The following MBD2 variants were observed in gnomAD, a reference collection of about 807,000 sequenced individuals.
MBD2 encodes the protein methyl-CpG binding domain protein 2, also known as methyl-CpG-binding domain protein 2.
A neutral mutation model predicts 39.3 loss-of-function variants in MBD2; 9 were observed. The observed-to-expected ratio is 0.23, with a 90% confidence interval of 0.14 to 0.40. The LOEUF is 0.40. Ranked by LOEUF, MBD2 falls within the 10% of genes least tolerant of loss-of-function variation. The pLI, the probability that MBD2 is intolerant of heterozygous loss-of-function variation, is 1.00. For missense variants in MBD2, 458 were observed against 532.6 expected (o/e 0.86, Z 1.38); for synonymous variants, 233 against 211.1 (o/e 1.10, Z -0.90).
chr18:54,224,529 A>T lies in MBD2; in HGVS notation c.31T>A (p.Cys11Ser). Residue 11 changes from cysteine to serine, a missense_variant, in exon 1 of 7, where the codon TGC becomes AGC. Coordinates refer to ENST00000256429, the MANE Select transcript of MBD2 (RefSeq NM_003927.5). MRAHPGGGRC[C>S]PEQEEGESAA... ...CTCTCCCCCTCCTCCTGCTCCGGGC[A>T]GCAGCGGCCTCCCCCCGGGTGCGCG... 8.7e-7 allele frequency: 1 copy of T among 1,147,558 alleles called. No individual in the cohort carries two copies. The highest frequency in any genetic ancestry group is 1.1e-6 in the Non-Finnish European group (1 of 938,074). 71.1% of individuals were successfully genotyped at this position (1,147,558 alleles called of 1,614,324 possible).
chr18:54,170,429 G>A (rs1568080511), intron 3 of MBD2, among the ~76,000 whole-genome samples: 2 of 152,054 alleles, frequency 1.3e-5, no homozygotes, highest in African/African-American at 4.8e-5. Context: ...ACAACTCCTC[G>A]CCACCATTCA....
intron 5 of MBD2, among the ~76,000 whole-genome samples, chr18:54,163,130 G>T (rs1391082729): frequency 6.6e-6 from 1 of 152,068 alleles, no homozygotes; most frequent in African/African-American, 2.4e-5. Flanking sequence ...AAATTAGCTG[G>T]GTATAGTGGC....
intron 1 of MBD2, chr18:54,222,448 G>A (rs748455145): frequency 1.3e-5 from 6 of 479,810 alleles, no homozygotes; most frequent in Non-Finnish European, 2.1e-5. Flanking sequence ...AATATTTAAT[G>A]ATGAGGAAAT....
At chr18:54,190,981 C>A (rs940958621) in intron 2 of MBD2, among the ~76,000 whole-genome samples, 1 of 152,138 alleles carries the variant, frequency 6.6e-6, no homozygotes, top group Non-Finnish European at 1.5e-5. Context: ...ACACAATTAT[C>A]GTGTTTTCTC....
chr18:54,184,945 G>A (rs1371874518), intron 3 of MBD2, among the ~76,000 whole-genome samples: 1 of 152,136 alleles, frequency 6.6e-6, no homozygotes, highest in Non-Finnish European at 1.5e-5. Flanking sequence ...ATGAGACTCT[G>A]CTTTAGCTTA....
chr18:54,220,529 C>A (rs570605765), intron 1 of MBD2, among the ~76,000 whole-genome samples: 16 of 152,298 alleles, frequency 1.1e-4, no homozygotes, highest in Non-Finnish European at 2.2e-4. Context: ...CCACACCCTA[C>A]ATTAACAGGC....
At chr18:54,189,243 A>G (rs1176685918) in intron 2 of MBD2, among the ~76,000 whole-genome samples, 6 of 93,014 alleles carry the variant, frequency 6.5e-5, no homozygotes, top group Non-Finnish European at 1.4e-4. Flanking sequence ...TTTTTTTTTG[A>G]GACGGAGTCT....
At chr18:54,204,879 T>C in intron 2 of MBD2, 119 bp downstream of exon 2, 1 of 864,186 alleles carries the variant, frequency 1.2e-6, no homozygotes, top group Non-Finnish European at 1.8e-6. Context: ...GTGGGCAGGG[T>C]ATGGGGACAT....
chr18:54,196,476 TCAGA>T (rs1168205126), intron 2 of MBD2, among the ~76,000 whole-genome samples: 1 of 152,176 alleles, frequency 6.6e-6, no homozygotes, highest in Non-Finnish European at 1.5e-5. Context: ...CTACTCAAAC[TCAGA>T]CAGTTATTCT....
chr18:54,163,065 A>C (rs1328978161), intron 5 of MBD2, among the ~76,000 whole-genome samples: 1 of 152,134 alleles, frequency 6.6e-6, no homozygotes, highest in Non-Finnish European at 1.5e-5. Context: ...TGATGTCAGG[A>C]GTTCAAGACC....
chr18:54,210,151 TCA>T (rs2086490470), intron 1 of MBD2, among the ~76,000 whole-genome samples: 1 of 152,112 alleles, frequency 6.6e-6, no homozygotes, highest in Non-Finnish European at 1.5e-5. Flanking sequence ...CCAACTGTGA[TCA>T]CACCTTTAAC....
chr18:54,217,287 C>T (rs2086569737), intron 1 of MBD2, among the ~76,000 whole-genome samples: 1 of 152,074 alleles, frequency 6.6e-6, no homozygotes, highest in African/African-American at 2.4e-5. Context: ...ATACTGAGAA[C>T]AAAGACAGGA....
intron 3 of MBD2, among the ~76,000 whole-genome samples, chr18:54,179,570 A>T (rs1476584794): frequency 6.6e-6 from 1 of 152,192 alleles, no homozygotes; most frequent in Non-Finnish European, 1.5e-5. Flanking sequence ...AACATCAAAC[A>T]GTGAAATTAA....
At chr18:54,192,718 A>C (rs1463113732) in intron 2 of MBD2, among the ~76,000 whole-genome samples, 2 of 152,212 alleles carry the variant, frequency 1.3e-5, no homozygotes, top group Non-Finnish European at 2.9e-5. Flanking sequence ...CAAACTATGA[A>C]TCCTGAATCC....
At chr18:54,160,677 T>C (rs1211981103) in intron 5 of MBD2, among the ~76,000 whole-genome samples, 1 of 145,202 alleles carries the variant, frequency 6.9e-6, no homozygotes, top group Non-Finnish European at 1.5e-5. Flanking sequence ...GAAAAGAAAG[T>C]AGATCCCCCA....
chr18:54,197,571 A>G (rs1419814105), intron 2 of MBD2, among the ~76,000 whole-genome samples: 1 of 152,134 alleles, frequency 6.6e-6, no homozygotes, highest in Non-Finnish European at 1.5e-5. Context: ...AAGTGACCTC[A>G]GTAAATGGCA....
At chr18:54,159,435 T>G (rs2086078629) in intron 6 of MBD2, among the ~76,000 whole-genome samples, 1 of 151,732 alleles carries the variant, frequency 6.6e-6, no homozygotes, top group South Asian at 2.1e-4. Context: ...TTTTTTTTTC[T>G]GAGATGGGGT....
chr18:54,194,361 C>G (rs2086347697), intron 2 of MBD2, among the ~76,000 whole-genome samples: 1 of 151,916 alleles, frequency 6.6e-6, no homozygotes, highest in African/African-American at 2.4e-5. Context: ...ATTCCATTTC[C>G]AAACTTATTT....
Position 54,164,612 on chromosome 18 carries a change from G to A in MBD2, c.1020C>T (p.Val340=). The A allele has an allele frequency of 6.2e-7, 1 of 1,614,162 alleles. No individual in the cohort carries two copies. The highest frequency in any genetic ancestry group is 8.5e-7 in the Non-Finnish European group (1 of 1,180,028). The change falls in exon 5 of 7, where the codon GTC becomes GTT. Residue 340 remains valine (V), a synonymous_variant. Transcript: ENST00000256429. ...CAGGGTTCTTTTCCACAGCAGCGGA[G>A]ACTTGCCCTGTGATTGGCGCAGAGC... The part of the protein sequence containing the change: ...HTSSAPITGQ[V]SAAVEKNPAV...
Sources: allele counts gnomAD v4.1 joint callset (sites outside exome capture counted in the v4.1 genomes callset), GRCh38; gene constraint gnomAD v4.1.1; transcripts MANE v1.5; gene names NCBI Gene and HGNC (gene_info 2026-07-23, HGNC 2026-07-21).